DPP6: variants seen among roughly 807,000 people sequenced by gnomAD.
DPP6 encodes dipeptidyl peptidase like 6.
In DPP6, 69 loss-of-function variants were observed where a neutral mutation model predicts 122.6. The observed-to-expected ratio is 0.56, with a 90% CI of 0.46 to 0.69. The LOEUF is 0.69. Among genes scored for constraint, DPP6 ranks in the 30% least tolerant of loss-of-function variants. The pLI, the probability that DPP6 is intolerant of heterozygous loss-of-function variation, is 0.00. For synonymous variants in DPP6, 418 were observed against 433.1 expected, an observed-to-expected ratio of 0.97 and a Z score of 0.43; for missense variants, 928 against 1,116.9, an observed-to-expected ratio of 0.83 and a Z score of 2.41.
intron 1 of DPP6, among the ~76,000 whole-genome samples, chr7:153,998,824 T>G: frequency 6.6e-6 from 1 of 152,192 alleles, no homozygotes; most frequent in Non-Finnish European, 1.5e-5. Flanking sequence ...GTACCCCAAT[T>G]TTCATTACAC....
chr7:154,052,041 C>T (rs1800368350), upstream of DPP6, among the ~76,000 whole-genome samples: 1 of 151,426 alleles, frequency 6.6e-6, no homozygotes, highest in East Asian at 2.0e-4. This position sits in a 1 kb window ranked among gnomAD's most constrained non-coding sequence, Gnocchi z 4.8. Context: ...CCGGCTGCAC[C>T]TTCAGTCGCC....
At chr7:153,852,498 C>T in the DPP6 span, among the ~76,000 whole-genome samples, 17 of 152,106 alleles carry the variant, frequency 1.1e-4, 1 homozygote, top group Admixed American at 9.8e-4. Flanking sequence ...AGGACAGTAC[C>T]AAGGGGGAAT....
chr7:154,651,740 G>T (rs545534038), intron 6 of DPP6, among the ~76,000 whole-genome samples: 1 of 152,148 alleles, frequency 6.6e-6, no homozygotes, highest in Admixed American at 6.5e-5. Flanking sequence ...ATGGGCAGCC[G>T]AAAGGGAAAG....
At chr7:154,130,739 C>T (rs1795229807) in intron 1 of DPP6, among the ~76,000 whole-genome samples, 1 of 151,954 alleles carries the variant, frequency 6.6e-6, no homozygotes, top group South Asian at 2.1e-4. Context: ...TTCTCCAGTG[C>T]AGTCAACAGA....
chr7:153,990,996 C>T (rs1797149190), intron 1 of DPP6, among the ~76,000 whole-genome samples: 1 of 152,338 alleles, frequency 6.6e-6, no homozygotes, highest in East Asian at 1.9e-4. Context: ...TTGGGATGTG[C>T]AGTGGTACCC....
intron 3 of DPP6, among the ~76,000 whole-genome samples, chr7:154,489,441 T>C (rs10263063): frequency 0.46 from 70,279 of 152,056 alleles, 16,415 homozygotes; most frequent in Admixed American, 0.53. Flanking sequence ...GCAGTTGAAA[T>C]GGAATTCGTG....
the DPP6 span, among the ~76,000 whole-genome samples, chr7:153,861,933 G>A: frequency 6.6e-6 from 1 of 152,168 alleles, no homozygotes; most frequent in Non-Finnish European, 1.5e-5. Flanking sequence ...TAAACATCTC[G>A]ATGATGGCTC....
chr7:154,374,836 T>C (rs1323187690), intron 1 of DPP6, among the ~76,000 whole-genome samples: 1 of 152,180 alleles, frequency 6.6e-6, no homozygotes, highest in Admixed American at 6.5e-5. Flanking sequence ...GGTCTCGAAC[T>C]CCTGAACTCA....
chr7:154,096,250 A>G (rs1234459804), intron 1 of DPP6, among the ~76,000 whole-genome samples: 2 of 73,692 alleles, frequency 2.7e-5, no homozygotes, highest in African/African-American at 1.1e-4. Context: ...ACAAAGATTT[A>G]TCTACCCATG....
intron 1 of DPP6, among the ~76,000 whole-genome samples, chr7:154,434,356 G>C (rs1004225118): frequency 2.0e-5 from 3 of 152,170 alleles, no homozygotes; most frequent in Non-Finnish European, 4.4e-5. Context: ...TTTCCACACA[G>C]ATATCGTGCC....
chr7:154,260,427 T>G (rs1802937415), intron 1 of DPP6, among the ~76,000 whole-genome samples: 1 of 152,036 alleles, frequency 6.6e-6, no homozygotes, highest in Non-Finnish European at 1.5e-5. Flanking sequence ...ATTTATAGTC[T>G]TTTATTCCTC....
At chr7:154,239,459 A>T (rs1327487359) in intron 1 of DPP6, among the ~76,000 whole-genome samples, 1 of 152,136 alleles carries the variant, frequency 6.6e-6, no homozygotes, top group African/African-American at 2.4e-5. Flanking sequence ...AAAGATCTTT[A>T]TGGTGACCCA....
intron 1 of DPP6, among the ~76,000 whole-genome samples, chr7:153,910,750 C>T (rs1056179949): frequency 3.9e-5 from 6 of 152,148 alleles, no homozygotes; most frequent in African/African-American, 1.4e-4. Flanking sequence ...CATTGTTCAT[C>T]CTAATATTCA....
intron 7 of DPP6, among the ~76,000 whole-genome samples, chr7:154,677,332 G>A (rs2131146969): frequency 6.6e-6 from 1 of 152,206 alleles, no homozygotes; most frequent in African/African-American, 2.4e-5. Context: ...TCCCAGAACC[G>A]TGTCTTGACA....
At chr7:154,743,312 T>C (rs1025098269) in intron 8 of DPP6, among the ~76,000 whole-genome samples, 4 of 152,124 alleles carry the variant, frequency 2.6e-5, no homozygotes, top group African/African-American at 7.2e-5. Context: ...TTGAAAACTA[T>C]GTAAAAGGGC....
chr7:154,804,942 C>G lies in DPP6; in HGVS notation c.1525C>G (p.Pro509Ala). ...KIYFLSTEDL[P>A]RRRQLYSANT... ...CTACTTCCTGAGCACGGAGGACCTG[C>G]CTCGGAGACGACAACTCTACAGGTA... The change falls in exon 15 of 26, where the codon CCT becomes GCT. Residue 509 changes from proline to alanine, a missense_variant. Pro to Ala is a conservative substitution (Grantham distance 27, BLOSUM62 -1). Transcript: ENST00000377770. 1 of 1,602,138 alleles carries G rather than the reference C, an allele frequency of 6.2e-7. No homozygotes were observed. The highest frequency in any genetic ancestry group is 1.1e-5 in the South Asian group (1 of 88,312).
intron 1 of DPP6, among the ~76,000 whole-genome samples, chr7:154,169,234 G>T (rs552324149): frequency 6.6e-6 from 1 of 152,170 alleles, no homozygotes; most frequent in African/African-American, 2.4e-5. Context: ...AACCCGGTTG[G>T]CCTGGTAGAG....
At chr7:154,508,017 T>G (rs28394294) in intron 3 of DPP6, among the ~76,000 whole-genome samples, 38,491 of 152,084 alleles carry the variant, frequency 0.25, 4,968 homozygotes, top group Middle Eastern at 0.33. Flanking sequence ...TGAGAAAAGA[T>G]GTTCTAGCCC....
At chr7:154,342,443 TG>T (rs1810013973) in intron 1 of DPP6, among the ~76,000 whole-genome samples, 1 of 152,220 alleles carries the variant, frequency 6.6e-6, no homozygotes, top group African/African-American at 2.4e-5. Context: ...CATTAAACTT[TG>T]GCAAAGTAAT....
Sources: allele counts gnomAD v4.1 joint callset (sites outside exome capture counted in the v4.1 genomes callset), GRCh38; gene constraint gnomAD v4.1.1; non-coding constraint Gnocchi (gnomAD v3.1); transcripts MANE v1.5; gene names NCBI Gene and HGNC (gene_info 2026-07-23, HGNC 2026-07-21).